The following PFKFB1 variants were observed in gnomAD, a reference collection of about 807,000 sequenced individuals.
The protein encoded by PFKFB1 is 6-phosphofructo-2-kinase/fructose-2,6-bisphosphatase 1.
Under a neutral mutation model 46.4 loss-of-function variants are expected in PFKFB1, and 34 were observed. The ratio of observed to expected loss-of-function variants is 0.73; its 90% CI spans 0.56 to 0.98. The LOEUF is 0.98. Among genes scored for constraint, PFKFB1 ranks in the 50% least tolerant of loss-of-function variants. PFKFB1 has a pLI of 0.00. For synonymous variants in PFKFB1, 119 were observed against 133.8 expected, an observed-to-expected ratio of 0.89 and a Z score of 0.76; for missense variants, 393 against 376.3, an observed-to-expected ratio of 1.04 and a Z score of -0.37.
At chrX:54,959,682 C>T in intron 4 of PFKFB1, 145 bp downstream of exon 4, 1 of 455,497 alleles carries the variant, frequency 2.2e-6, no homozygotes. Context: ...CAACACCTAT[C>T]TCAAGGGGGG....
intron 1 of PFKFB1, among the ~76,000 whole-genome samples, chrX:54,973,534 T>G (rs376485266): frequency 9.0e-6 from 1 of 111,707 alleles, no homozygotes; most frequent in Admixed American, 9.6e-5. Flanking sequence ...GATTCTGTTA[T>G]GTTGTGTCTT....
At chrX:54,997,987 T>C (rs757291622), upstream of PFKFB1, among the ~76,000 whole-genome samples, 59 of 112,396 alleles carry the variant, frequency 5.2e-4, no homozygotes, top group South Asian at 1.8e-3. Context: ...CTGAGGAACG[T>C]TGGCTAGAGA....
At chrX:54,949,798 G>C (rs775333714) in intron 8 of PFKFB1, among the ~76,000 whole-genome samples, 1 of 112,606 alleles carries the variant, frequency 8.9e-6, no homozygotes, top group Non-Finnish European at 1.9e-5. Flanking sequence ...GCGGACTCTA[G>C]ACAAAAAGGG....
intron 10 of PFKFB1, among the ~76,000 whole-genome samples, chrX:54,944,021 T>G (rs926701195): frequency 1.8e-5 from 2 of 111,294 alleles, no homozygotes; most frequent in African/African-American, 6.5e-5. Flanking sequence ...GGCCAGGGTT[T>G]TAAAGTTCTT....
intron 9 of PFKFB1, among the ~76,000 whole-genome samples, chrX:54,945,911 T>C (rs767360459): frequency 2.7e-5 from 3 of 111,203 alleles, no homozygotes; most frequent in Non-Finnish European, 3.8e-5. Context: ...TGGCTGTGTT[T>C]ACAAGTCTGT....
chrX:54,952,157 G>T, intron 7 of PFKFB1, 45 bp from the exon 8 acceptor site: 1 of 1,054,886 alleles, frequency 9.5e-7, no homozygotes. Flanking sequence ...AGGGGCTAAT[G>T]GTGGTAGGGT....
upstream of PFKFB1, chrX:54,994,479 T>C (rs1182274149): frequency 1.3e-6 from 1 of 752,683 alleles, no homozygotes; most frequent in African/African-American, 2.3e-5. Context: ...TCAGCGGCTT[T>C]CCCAGCTTTG....
intron 10 of PFKFB1, 25 bp downstream of exon 10, chrX:54,945,414 C>T (rs752926179): frequency 1.9e-5 from 18 of 934,519 alleles, no homozygotes; most frequent in Non-Finnish European, 2.5e-5. Flanking sequence ...TAGTCCTAGG[C>T]ATTAGGCCAC....
chrX:54,983,354 T>G (rs1177345755), intron 1 of PFKFB1, among the ~76,000 whole-genome samples: 1 of 111,055 alleles, frequency 9.0e-6, no homozygotes, highest in Non-Finnish European at 1.9e-5. Context: ...GTCTCAAATG[T>G]GTGTTGTTCC....
chrX:54,959,802 A>G, intron 4 of PFKFB1, 25 bp downstream of exon 4: 1 of 1,103,221 alleles, frequency 9.1e-7, no homozygotes, highest in South Asian at 1.9e-5. Flanking sequence ...TAGTTACCCA[A>G]GGAAAAAATA....
At chrX:54,956,995 A>G (rs1477978950) in intron 6 of PFKFB1, among the ~76,000 whole-genome samples, 2 of 112,073 alleles carry the variant, frequency 1.8e-5, no homozygotes, top group Non-Finnish European at 3.8e-5. Flanking sequence ...ACATCTGGCC[A>G]AAGTATTCTC....
chrX:54,984,594 T>C (rs1452957808), intron 1 of PFKFB1, among the ~76,000 whole-genome samples: 2 of 112,166 alleles, frequency 1.8e-5, no homozygotes, highest in Non-Finnish European at 3.8e-5. Flanking sequence ...CATGCTACTG[T>C]TCCCGACCTT....
chrX:54,997,317 C>T (rs145881699), upstream of PFKFB1, among the ~76,000 whole-genome samples: 1,675 of 111,469 alleles, frequency 0.015, 39 homozygotes, highest in African/African-American at 0.053. Flanking sequence ...TGAAAAGGGC[C>T]AATGAACTCG....
At chrX:54,994,460 A>C (rs1158013796), upstream of PFKFB1, 1 of 754,117 alleles carries the variant, frequency 1.3e-6, no homozygotes, top group Non-Finnish European at 1.6e-6. Context: ...AAGGTGATGG[A>C]GGTAGGTCTC....
chrX:54,939,996 A>C (rs190048232), intron 10 of PFKFB1, among the ~76,000 whole-genome samples: 97 of 112,076 alleles, frequency 8.7e-4, no homozygotes, highest in Non-Finnish European at 1.6e-3. Context: ...TGCTCAATAA[A>C]ATACTGGCAA....
At chrX:54,972,481 T>G (rs1569547109) in intron 1 of PFKFB1, among the ~76,000 whole-genome samples, 1 of 111,070 alleles carries the variant, frequency 9.0e-6, no homozygotes, top group Non-Finnish European at 1.9e-5. Context: ...GGGTTTGTCA[T>G]AGATAGCTCT....
At chrX:54,942,284 C>A (rs1023091284) in intron 10 of PFKFB1, among the ~76,000 whole-genome samples, 1 of 111,083 alleles carries the variant, frequency 9.0e-6, no homozygotes, top group Admixed American at 9.6e-5. Flanking sequence ...TGGAGATATA[C>A]CTAATGTAAA....
intron 1 of PFKFB1, among the ~76,000 whole-genome samples, chrX:54,983,826 T>C (rs1031938365): frequency 1.8e-4 from 20 of 111,584 alleles, no homozygotes; most frequent in Middle Eastern, 9.2e-3. Context: ...CTCACCAGTA[T>C]CTGTTATTTT....
intron 4 of PFKFB1, 78 bp downstream of exon 4, chrX:54,959,749 C>A: frequency 1.7e-6 from 1 of 599,341 alleles, no homozygotes; most frequent in Non-Finnish European, 2.8e-6. Flanking sequence ...GTTCTGTACA[C>A]ATTGGTAAAT....
Sources: allele counts gnomAD v4.1 joint callset (sites outside exome capture counted in the v4.1 genomes callset), GRCh38; gene constraint gnomAD v4.1.1; transcripts MANE v1.5; gene names NCBI Gene and HGNC (gene_info 2026-07-23, HGNC 2026-07-21).